ANAPC1: variants seen among roughly 807,000 people sequenced by gnomAD.
ANAPC1 encodes anaphase-promoting complex subunit 1.
A neutral mutation model predicts 208.0 loss-of-function variants in ANAPC1; 36 were observed. That is an observed-to-expected ratio of 0.17 (90% CI 0.13 to 0.23). The LOEUF (loss-of-function observed/expected upper bound fraction) is 0.23, where lower values mean the gene tolerates loss of function less well. Among genes scored for constraint, ANAPC1 ranks in the 10% least tolerant of loss-of-function variants. ANAPC1 has a pLI of 1.00. For synonymous variants in ANAPC1, 378 were observed against 695.2 expected, an observed-to-expected ratio of 0.54 and a Z score of 7.18; for missense variants, 942 against 2,011.6, an observed-to-expected ratio of 0.47 and a Z score of 10.17.
intron 34 of ANAPC1, among the ~76,000 whole-genome samples, chr2:111,795,212 T>C (rs1254879572): frequency 2.0e-5 from 3 of 152,196 alleles, no homozygotes; most frequent in East Asian, 1.9e-4. Flanking sequence ...TGAAACCCCA[T>C]CTCTATTAAA....
chr2:111,782,192 T>G (rs1054826946), intron 43 of ANAPC1, among the ~76,000 whole-genome samples, 177 bp downstream of exon 43: 30 of 149,616 alleles, frequency 2.0e-4, no homozygotes, highest in Admixed American at 6.6e-4. Flanking sequence ...AGATTTTATA[T>G]TCATTATATT....
Position 111,878,889 on chromosome 2 carries a change from A to C in ANAPC1, c.296T>G (p.Met99Arg), listed in dbSNP as rs1250339377. The change falls in exon 3 of 48, where the codon ATG becomes AGG. Residue 99 changes from methionine to arginine, a missense_variant. Transcript: ENST00000341068. The stretch of plus-strand genomic sequence containing the variant: ...TTTACTTCCTTTGCTCCATATCACC[A>C]TATTTCCAGCAACATAGAGTTCCTC... ...YDEELYVAGN[M>R]VIWSKGSKSQ... The C allele has an allele frequency of 3.7e-6, 6 of 1,606,948 alleles. No homozygotes were observed. The highest frequency in any genetic ancestry group is 4.2e-6 in the Non-Finnish European group (5 of 1,177,938).
chr2:111,840,714 T>C (rs1195055182), intron 17 of ANAPC1, among the ~76,000 whole-genome samples: 2 of 152,040 alleles, frequency 1.3e-5, no homozygotes, highest in African/African-American at 2.4e-5. Context: ...AACAGAAAAA[T>C]TGGGGATAAT....
chr2:111,843,652 T>TC, intron 16 of ANAPC1, 53 bp from the exon 17 acceptor site: 2 of 1,468,786 alleles, frequency 1.4e-6, no homozygotes, highest in Non-Finnish European at 1.8e-6. Flanking sequence ...GCATTTCTTT[T>TC]CCCCTTTCAA....
intron 34 of ANAPC1, among the ~76,000 whole-genome samples, chr2:111,795,446 G>A (rs1192674326): frequency 1.3e-5 from 2 of 148,470 alleles, no homozygotes; most frequent in Non-Finnish European, 3.0e-5. Context: ...GAAGACGTAA[G>A]TATATTCTAA....
rs181230944 is a variant in ANAPC1, at chr2:111,863,841, C to G, written c.886G>C (p.Ala296Pro). 14 of 1,613,600 alleles carry G rather than the reference C, an allele frequency of 8.7e-6. No individual in the cohort carries two copies. Among genetic ancestry groups the G allele is most frequent in the Admixed American group, 1.7e-5 (1 of 59,956 alleles). ...SEQGGTPQNV[A>P]TSSSLTAHLR... ...TGTGCTGTGAGGGAGCTGCTAGTGGCCACATTCTGTGGGGTTCCCCCCTGT... is the reference window on the plus strand; with the variant it reads ...TGTGCTGTGAGGGAGCTGCTAGTGGGCACATTCTGTGGGGTTCCCCCCTGT... Residue 296 changes from alanine (A) to proline (P), a missense_variant, in exon 9 of 48, where the codon GCC becomes CCC. Physicochemically the swap from Ala to Pro is conservative, Grantham distance 27. Transcript: ENST00000341068.
In ANAPC1 at chr2:111,823,352, G is replaced by A. The variant is rs1418148597; in HGVS notation, c.2813-752C>T. Among the ~76,000 whole-genome samples, 4 of 152,184 alleles carry A rather than the reference G, an allele frequency of 2.6e-5. No individual in the cohort carries two copies. The East Asian group carries it at 7.7e-4, about 29-fold the overall frequency. On this transcript the variant is annotated intron_variant, in intron 24 of 47. Transcript: ENST00000341068. ...TAATGCTTATCCATAGCCAATGGTA[G>A]TGTAAACTGGTACAACCACTTTGGA... is the stretch of plus-strand genomic sequence containing the variant.
intron 18 of ANAPC1, among the ~76,000 whole-genome samples, chr2:111,836,407 G>C (rs971365609): frequency 2.0e-5 from 3 of 150,846 alleles, no homozygotes; most frequent in African/African-American, 7.3e-5. Flanking sequence ...TTGAGAGATA[G>C]GGGCAGGAGG....
intron 18 of ANAPC1, among the ~76,000 whole-genome samples, chr2:111,837,576 A>G (rs1367860225): frequency 1.3e-5 from 2 of 151,866 alleles, no homozygotes; most frequent in Admixed American, 6.6e-5. Context: ...GTGCCACTGC[A>G]CTCCAGCCTG....
At chr2:111,767,565 A>G (rs1404481908), downstream of ANAPC1, 1 of 153,898 alleles carries the variant, frequency 6.5e-6, no homozygotes, top group African/African-American at 2.4e-5. Flanking sequence ...TTTAAAGCTG[A>G]TATTTGCTTT....
chr2:111,798,848 C>T (rs1344786198), intron 34 of ANAPC1, among the ~76,000 whole-genome samples: 4 of 152,184 alleles, frequency 2.6e-5, no homozygotes, highest in African/African-American at 7.2e-5. Flanking sequence ...TCTTGGCTAA[C>T]ACAGTGAAAC....
At chr2:111,869,685 C>CT (rs1394147478) in intron 6 of ANAPC1, among the ~76,000 whole-genome samples, 2 of 152,188 alleles carry the variant, frequency 1.3e-5, no homozygotes, top group Non-Finnish European at 2.9e-5. Flanking sequence ...ACTTGGGACC[C>CT]TAAGTGTTTT....
chr2:111,867,619 G>A lies in ANAPC1; in HGVS notation c.685+404C>T, dbSNP rs149737159. On this transcript the variant is annotated intron_variant, in intron 7 of 47. Coordinates refer to ENST00000341068, the MANE Select transcript of ANAPC1 (RefSeq NM_022662.4). ...AGGCAGGATAATCACTTGAACTCGG[G>A]AGGCAGAGGTTACAGTGAACTGAGA... 1.1e-3 allele frequency among the ~76,000 whole-genome samples: 171 copies of A among 151,612 alleles called. 2 individuals carry two copies. The East Asian group carries it at 0.027, about 24-fold the overall frequency.
At chr2:111,823,446 A>T (rs1313486751) in intron 24 of ANAPC1, among the ~76,000 whole-genome samples, 1 of 152,010 alleles carries the variant, frequency 6.6e-6, no homozygotes, top group Non-Finnish European at 1.5e-5. Flanking sequence ...ACTTATACCC[A>T]TGTACAAAGA....
chr2:111,863,434 C>T (rs561130054), intron 9 of ANAPC1, among the ~76,000 whole-genome samples: 18 of 150,420 alleles, frequency 1.2e-4, no homozygotes, highest in Non-Finnish European at 2.5e-4. Context: ...ATGGCATGAA[C>T]CCGGGAGGCA....
intron 11 of ANAPC1, 172 bp from the exon 12 acceptor site, chr2:111,857,058 G>A: frequency 3.5e-6 from 2 of 570,906 alleles, no homozygotes; most frequent in Admixed American, 3.0e-5. Context: ...TGGTTACCAG[G>A]ATCAGTGGGT....
intron 10 of ANAPC1, among the ~76,000 whole-genome samples, chr2:111,861,464 G>C (rs549451983): frequency 6.6e-6 from 1 of 151,922 alleles, no homozygotes; most frequent in African/African-American, 2.4e-5. Flanking sequence ...GCACTCACCA[G>C]AACTTTTGTT....
At chr2:111,872,559 G>A (rs1000796655) in intron 6 of ANAPC1, 71 bp downstream of exon 6, 267 of 1,326,646 alleles carry the variant, frequency 2.0e-4, no homozygotes, top group Non-Finnish European at 2.6e-4. Flanking sequence ...CAAACTTTTA[G>A]ATAAACCTCA....
chr2:111,798,692 A>G lies in ANAPC1; in HGVS notation c.4296+2105T>C, dbSNP rs374803499. On this transcript the variant is annotated intron_variant, in intron 34 of 47. Coordinates refer to ENST00000341068, the MANE Select transcript of ANAPC1 (RefSeq NM_022662.4). ...ATATCTTCTGCTCATTAAAATTATTACTAAGAAAATGAATATGCAAGCCAC... is the reference window on the plus strand; with the variant it reads ...ATATCTTCTGCTCATTAAAATTATTGCTAAGAAAATGAATATGCAAGCCAC... Among the ~76,000 whole-genome samples, 95 of 152,266 alleles carry G rather than the reference A, an allele frequency of 6.2e-4. No homozygotes were observed. In the East Asian group the frequency reaches 0.015, roughly 24 times the overall value.
Sources: allele counts gnomAD v4.1 joint callset (sites outside exome capture counted in the v4.1 genomes callset), GRCh38; gene constraint gnomAD v4.1.1; transcripts MANE v1.5; gene names NCBI Gene and HGNC (gene_info 2026-07-23, HGNC 2026-07-21).